The following MCF2L variants were observed in gnomAD, a reference collection of about 807,000 sequenced individuals.
MCF2L encodes the protein MCF.2 cell line derived transforming sequence like.
In MCF2L, 97 loss-of-function variants were observed where a neutral mutation model predicts 153.4. The observed-to-expected ratio is 0.63, with a 90% confidence interval of 0.54 to 0.75. MCF2L has a LOEUF of 0.75. Among genes scored for constraint, MCF2L ranks in the 30% least tolerant of loss-of-function variants. MCF2L has a pLI of 0.00. For synonymous variants in MCF2L, 659 were observed against 632.2 expected, an observed-to-expected ratio of 1.04 and a Z score of -0.64; for missense variants, 1,347 against 1,495.2, an observed-to-expected ratio of 0.90 and a Z score of 1.64.
At chr13:113,063,569 C>T (rs932698400) in intron 5 of MCF2L, among the ~76,000 whole-genome samples, 1 of 152,170 alleles carries the variant, frequency 6.6e-6, no homozygotes, top group East Asian at 1.9e-4. Flanking sequence ...AAAATCTAGG[C>T]TTGGCTTTGC....
intron 2 of MCF2L, among the ~76,000 whole-genome samples, chr13:112,908,959 C>T (rs1280861676): frequency 3.3e-5 from 5 of 152,108 alleles, no homozygotes; most frequent in African/African-American, 9.7e-5. Flanking sequence ...CTCCTGACCT[C>T]GTGATCCGCC....
chr13:112,916,160 A>T (rs1365324552), intron 2 of MCF2L, among the ~76,000 whole-genome samples: 1 of 147,710 alleles, frequency 6.8e-6, no homozygotes, highest in East Asian at 2.0e-4. Flanking sequence ...GTGAGCTGAG[A>T]TTGCGCCACT....
rs9604009 is a variant in MCF2L, at chr13:112,983,632, C to T, written c.79+14174C>T. 1.4e-4 allele frequency among the ~76,000 whole-genome samples: 22 copies of T among 152,288 alleles called. No individual in the cohort carries two copies. Among genetic ancestry groups the T allele is most frequent in the Non-Finnish European group, 2.5e-4 (17 of 68,032 alleles). On this transcript the variant is annotated intron_variant, in intron 1 of 29. Coordinates refer to ENST00000535094, the MANE Select transcript of MCF2L (RefSeq NM_001112732.3). The surrounding 1 kb of genome is among the most constrained non-coding windows in gnomAD (Gnocchi z 4.0). ...CCTGTGGCCTCTTTACAGCTCTGTCCCCTGCCTTATCTCGCTGGCTCTGCC... is the reference window on the plus strand; with the variant it reads ...CCTGTGGCCTCTTTACAGCTCTGTCTCCTGCCTTATCTCGCTGGCTCTGCC...
At chr13:112,903,520 G>A (rs1165940201) in intron 2 of MCF2L, among the ~76,000 whole-genome samples, 1 of 152,196 alleles carries the variant, frequency 6.6e-6, no homozygotes, top group African/African-American at 2.4e-5. Context: ...TGACTGCCGA[G>A]TGTCTGTGGT....
intron 1 of MCF2L, among the ~76,000 whole-genome samples, chr13:112,997,769 C>T (rs570521801): frequency 1.0e-4 from 16 of 152,386 alleles, no homozygotes; most frequent in African/African-American, 3.8e-4. Context: ...GGGTCGAGTT[C>T]CTGCTGGACA....
intron 2 of MCF2L, among the ~76,000 whole-genome samples, chr13:112,944,213 A>AGGAGGGTCCTGGGCTGTGAGG (rs1293107951): frequency 1.1e-3 from 104 of 91,178 alleles, no homozygotes; most frequent in African/African-American, 4.4e-3. Flanking sequence ...GGGCCGTGAG[A>AGGAGGGTCCTGGGCTGTGAGG]GGAGGGTCCT....
chr13:113,085,287 G>A, intron 20 of MCF2L, 109 bp downstream of exon 20: 1 of 868,186 alleles, frequency 1.2e-6, no homozygotes, highest in Non-Finnish European at 1.9e-6. Context: ...CAGGCCAAGG[G>A]CACCTCTTCC....
intron 2 of MCF2L, among the ~76,000 whole-genome samples, chr13:112,928,624 G>C (rs2081431578): frequency 6.6e-6 from 1 of 152,180 alleles, no homozygotes; most frequent in South Asian, 2.1e-4. Context: ...TAGGAGCATT[G>C]GCATCGCTAG....
intron 1 of MCF2L, chr13:113,001,980 G>C: frequency 6.3e-7 from 1 of 1,583,316 alleles, no homozygotes; most frequent in Non-Finnish European, 8.5e-7. Flanking sequence ...GAAGGCCGGC[G>C]CAGGTGCGTG....
chr13:112,899,225 G>T (rs974276442), intron 1 of MCF2L, among the ~76,000 whole-genome samples: 1 of 151,962 alleles, frequency 6.6e-6, no homozygotes, highest in Non-Finnish European at 1.5e-5. Flanking sequence ...AGATTTAATT[G>T]TGTGTGTGTG....
chr13:113,024,601 C>A, intron 2 of MCF2L, 43 bp from the exon 3 acceptor site: 2 of 1,347,514 alleles, frequency 1.5e-6, no homozygotes, highest in Non-Finnish European at 2.1e-6. Context: ...CCCCCGGGGG[C>A]ATGGAGCCCT....
intron 8 of MCF2L, among the ~76,000 whole-genome samples, chr13:113,067,150 C>T (rs747578098): frequency 6.6e-5 from 10 of 152,266 alleles, no homozygotes; most frequent in South Asian, 6.2e-4. Context: ...TCCGTGCACA[C>T]GCCTGGCAGG....
intron 5 of MCF2L, among the ~76,000 whole-genome samples, chr13:113,063,107 G>A (rs913569309): frequency 6.6e-6 from 1 of 152,374 alleles, no homozygotes; most frequent in Admixed American, 6.5e-5. Context: ...GCACTCGTGT[G>A]GAGTTTTGTG....
chr13:113,069,805 G>A (rs1294488523), intron 8 of MCF2L, among the ~76,000 whole-genome samples: 1 of 152,192 alleles, frequency 6.6e-6, no homozygotes, highest in African/African-American at 2.4e-5. Flanking sequence ...TAGTCGCAGT[G>A]ACCTAGAGGG....
intron 1 of MCF2L, among the ~76,000 whole-genome samples, chr13:112,901,056 G>C (rs750160924): frequency 2.6e-5 from 4 of 152,218 alleles, no homozygotes; most frequent in Admixed American, 2.0e-4. Context: ...TCCCCAGGGA[G>C]CTGAGGCCCA....
chr13:113,003,830 G>A (rs2083520709), intron 1 of MCF2L, among the ~76,000 whole-genome samples: 1 of 152,184 alleles, frequency 6.6e-6, no homozygotes, highest in Non-Finnish European at 1.5e-5. Flanking sequence ...GACCTGGAAG[G>A]AACTTGCCAC....
intron 2 of MCF2L, among the ~76,000 whole-genome samples, chr13:112,962,146 G>A: frequency 6.8e-6 from 1 of 147,412 alleles, no homozygotes; most frequent in African/African-American, 2.5e-5. Context: ...CTTTCATGCA[G>A]ACATGCTCAC....
intron 1 of MCF2L, among the ~76,000 whole-genome samples, chr13:113,002,882 G>T (rs1437567904): frequency 6.6e-6 from 1 of 151,960 alleles, no homozygotes; most frequent in Non-Finnish European, 1.5e-5. Flanking sequence ...TTAAAGTAAA[G>T]AACTGGCTGG....
intron 12 of MCF2L, 66 bp from the exon 13 acceptor site, chr13:113,076,986 C>A: frequency 6.5e-7 from 1 of 1,537,564 alleles, no homozygotes; most frequent in Non-Finnish European, 8.8e-7. Flanking sequence ...CGTTCTGCGC[C>A]TGACTGTGTA....
Sources: gnomAD v4.1 joint callset for allele counts (sites outside exome capture counted in the v4.1 genomes callset) on GRCh38, gnomAD v4.1.1 for gene constraint, Gnocchi (gnomAD v3.1) non-coding constraint, MANE v1.5 for transcripts, NCBI Gene and HGNC (gene_info 2026-07-23, HGNC 2026-07-21) for gene names.